TFB2M: variants seen among roughly 807,000 people sequenced by gnomAD.
TFB2M encodes the protein dimethyladenosine transferase 2, mitochondrial.
A neutral mutation model predicts 41.3 loss-of-function variants in TFB2M; 44 were observed. The ratio of observed to expected loss-of-function variants is 1.07; its 90% confidence interval spans 0.84 to 1.37. TFB2M has a LOEUF of 1.37. Among genes scored for constraint, TFB2M ranks in the 40% most tolerant of loss-of-function variants. The probability of loss-of-function intolerance (pLI) is 0.00; values close to 1 mark genes in which losing one functional copy is unlikely to be tolerated. For synonymous variants in TFB2M, 188 were observed against 176.8 expected (o/e 1.06, Z -0.50); for missense variants, 496 against 490.2 (o/e 1.01, Z -0.11).
At chr1:246,542,985 A>ATTT (rs11380318) in intron 7 of TFB2M, among the ~76,000 whole-genome samples, 1,312 of 84,936 alleles carry the variant, frequency 0.015, 79 homozygotes, top group Middle Eastern at 0.051. Context: ...CTGCCTCCCA[A>ATTT]TTTTTTTTTT....
In TFB2M at chr1:246,565,925, TA is replaced by T. The variant is rs765805852; in HGVS notation, c.213del (p.Phe71LeufsTer5). The T allele has an allele frequency of 1.2e-6, 2 of 1,614,154 alleles. No individual in the cohort carries two copies. The highest frequency in any genetic ancestry group is 8.5e-7 in the Non-Finnish European group (1 of 1,180,010). ...AATCTCCGATCGGTTACGTAACGCT[TA>T]AAGTCTAAGCTGGCCTTAGACGCCT... ...PRKASKASLD[F>X]KRYVTDRRLA... On this transcript the variant is annotated frameshift_variant, in exon 1 of 8. Transcript: ENST00000366514. LOFTEE classifies it high-confidence loss of function.
chr1:246,556,635 T>C lies in TFB2M; in HGVS notation c.643A>G (p.Thr215Ala), dbSNP rs770593847. 1 of 1,573,572 alleles carries C rather than the reference T, an allele frequency of 6.4e-7. No homozygotes were observed. The highest frequency in any genetic ancestry group is 1.2e-5 in the South Asian group (1 of 84,148). Residue 215 changes from threonine (T) to alanine (A), a missense_variant, in exon 4 of 8, where the codon ACT becomes GCT. Coordinates refer to ENST00000366514, the MANE Select transcript of TFB2M (RefSeq NM_022366.3). ...WKLAYDLYSC[T>A]SIYKFGRIEV... is the part of the protein sequence containing the mutation. ...ATTCGTCCAAATTTATATATAGAAG[T>C]ACAGGAATACAAGTCATATGCGAGT...
intron 6 of TFB2M, among the ~76,000 whole-genome samples, chr1:246,548,136 G>C (rs1376135834): frequency 6.6e-6 from 1 of 152,114 alleles, no homozygotes; most frequent in African/African-American, 2.4e-5. Context: ...TAATAGAGGC[G>C]GGGTTTCACC....
At position 246,540,951 on chromosome 1, in the gene TFB2M, G is replaced by T; in HGVS notation, c.*80C>A. 1 of 1,385,708 alleles carries T rather than the reference G, an allele frequency of 7.2e-7. No individual in the cohort carries two copies. The highest frequency in any genetic ancestry group is 9.9e-7 in the Non-Finnish European group (1 of 1,009,620). The allele number at this position is 1,385,708 out of a possible 1,614,324, so 85.8% of individuals were successfully genotyped here. A position where few individuals can be genotyped will look rare whatever the true frequency, so the allele number is the denominator to read the frequency against. On this transcript the variant is annotated 3_prime_UTR_variant, in exon 8 of 8. Transcript: ENST00000366514. The stretch of plus-strand genomic sequence containing the variant: ...AAGAACAGTTACCTTCTGCTGAAAG[G>T]ATGTGAGTTTTCAAATTTGGTTTTC...
At chr1:246,541,431 C>G (rs933638528) in intron 7 of TFB2M, among the ~76,000 whole-genome samples, 7 of 152,062 alleles carry the variant, frequency 4.6e-5, no homozygotes, top group African/African-American at 1.4e-4. Flanking sequence ...ACTATTTGGG[C>G]ATGGGTACAC....
intron 2 of TFB2M, among the ~76,000 whole-genome samples, chr1:246,560,518 T>A (rs1659430837): frequency 1.3e-5 from 2 of 152,160 alleles, no homozygotes; most frequent in African/African-American, 4.8e-5. Context: ...AGTGAGACCC[T>A]GTCTCAAAAA....
At chr1:246,565,366 CAG>C (rs1189946416) in intron 1 of TFB2M, among the ~76,000 whole-genome samples, 3 of 152,298 alleles carry the variant, frequency 2.0e-5, no homozygotes, top group Admixed American at 1.3e-4. Context: ...ATTAACGATA[CAG>C]ACTCTACGCT....
intron 5 of TFB2M, among the ~76,000 whole-genome samples, chr1:246,549,262 G>C (rs12759680): frequency 6.6e-6 from 1 of 151,756 alleles, no homozygotes; most frequent in Admixed American, 6.6e-5. Context: ...TCTTTTGTAA[G>C]AGAATTTTGT....
rs866622117 is a variant in TFB2M at position 246,544,981 on chromosome 1, A to G, written c.859-300T>C. Reference sequence around the variant, plus strand: ...CCACCACGCCTGGCTAATTTTTTGTATTTTTAGTAGAGATGGGGTTTCACC... The same window carrying G: ...CCACCACGCCTGGCTAATTTTTTGTGTTTTTAGTAGAGATGGGGTTTCACC... On this transcript the variant is annotated intron_variant, in intron 6 of 7. Transcript: ENST00000366514. Among the ~76,000 whole-genome samples the G allele has an allele frequency of 3.3e-5, 5 of 151,770 alleles. No individual in the cohort carries two copies. The South Asian group carries it at 8.3e-4, about 25-fold the overall frequency.
chr1:246,565,904 T>C lies in TFB2M; in HGVS notation c.235A>G (p.Arg79Gly). Residue 79 changes from arginine to glycine, a missense_variant, in exon 1 of 8, where the codon AGA (arginine) becomes GGA (glycine). By Grantham distance (125) the Arg-to-Gly change is moderately radical. Transcript: ENST00000366514. ...ATTTGCGCCAGGGTCTCAGCCAATC[T>C]CCGATCGGTTACGTAACGCTTAAAG... is the stretch of plus-strand genomic sequence containing the variant. ...LDFKRYVTDR[R>G]LAETLAQIYL... 1 of 1,613,662 alleles carries C rather than the reference T, an allele frequency of 6.2e-7. No homozygotes were observed. The highest frequency in any genetic ancestry group is 8.5e-7 in the Non-Finnish European group (1 of 1,179,608).
intron 1 of TFB2M, 151 bp from the exon 2 acceptor site, chr1:246,564,585 A>C: frequency 1.6e-6 from 1 of 633,424 alleles, no homozygotes; most frequent in Non-Finnish European, 2.7e-6. Context: ...TTTACATATA[A>C]GGAAACAGGA....
rs3129568 is a variant in TFB2M at position 246,544,556 on chromosome 1, A to G, written c.984T>C (p.Phe328=). ...NIFFHLLKHC[F]GRRSATVIDH... ...CTATTACAGTGGCGCTGCGCCTCCC[A>G]AAACAGTGCTTTAACAAGTGAAAAA... Residue 328 remains phenylalanine, a synonymous_variant, in exon 7 of 8, where the codon TTT becomes TTC. Transcript: ENST00000366514. 392,705 of 1,607,054 alleles carry G rather than the reference A, an allele frequency of 0.24. 51,642 individuals carry two copies. Among genetic ancestry groups the G allele is most frequent in the Middle Eastern group, 0.31 (1,867 of 6,014 alleles).
chr1:246,556,526 A>G (rs746805824), intron 4 of TFB2M, 47 bp downstream of exon 4: 1 of 1,366,250 alleles, frequency 7.3e-7, no homozygotes, highest in East Asian at 2.5e-5. Flanking sequence ...TACTCAGAGA[A>G]AAATTACAGA....
intron 6 of TFB2M, among the ~76,000 whole-genome samples, chr1:246,545,966 T>C (rs1659007531): frequency 6.6e-6 from 1 of 150,854 alleles, no homozygotes; most frequent in African/African-American, 2.4e-5. Context: ...GATCCAGGAG[T>C]CTTAGGCCAA....
At chr1:246,543,174 T>C (rs1658909403) in intron 7 of TFB2M, among the ~76,000 whole-genome samples, 1 of 151,770 alleles carries the variant, frequency 6.6e-6, no homozygotes, top group African/African-American at 2.4e-5. Flanking sequence ...ATTGCCACTT[T>C]TAACATTTAT....
At position 246,540,629 on chromosome 1, in the gene TFB2M, C is replaced by T. The variant is rs1445075633; in HGVS notation, c.*402G>A. The stretch of plus-strand genomic sequence containing the variant: ...TTAAAATTTAAACAATTTCATTGTA[C>T]AGTACTTGACAATACATTTCAACAA... On this transcript the variant is annotated 3_prime_UTR_variant, in exon 8 of 8. Coordinates refer to ENST00000366514, the MANE Select transcript of TFB2M (RefSeq NM_022366.3). 1.3e-5 allele frequency: 2 copies of T among 155,920 alleles called. No individual in the cohort carries two copies. Among genetic ancestry groups the T allele is most frequent in the South Asian group, 2.0e-4 (1 of 4,890 alleles). The allele number at this position is 155,920 out of a possible 1,614,324, so 9.7% of individuals were successfully genotyped here.
intron 4 of TFB2M, among the ~76,000 whole-genome samples, chr1:246,552,846 G>A (rs1019320217): frequency 6.6e-6 from 1 of 152,132 alleles, no homozygotes; most frequent in Non-Finnish European, 1.5e-5. Flanking sequence ...GGCCGAGGGA[G>A]GAGGATCACT....
At chr1:246,555,375 T>C (rs1659294082) in intron 4 of TFB2M, among the ~76,000 whole-genome samples, 1 of 152,034 alleles carries the variant, frequency 6.6e-6, no homozygotes, top group African/African-American at 2.4e-5. Flanking sequence ...ACTGCTTGAG[T>C]CCCAGAGTTG....
intron 6 of TFB2M, among the ~76,000 whole-genome samples, chr1:246,547,775 A>ACG (rs1659064049): frequency 6.6e-6 from 1 of 151,738 alleles, no homozygotes; most frequent in African/African-American, 2.4e-5. Flanking sequence ...ACTTTATTAG[A>ACG]ATTTCACAAC....
Sources: allele counts gnomAD v4.1 joint callset (sites outside exome capture counted in the v4.1 genomes callset), GRCh38; gene constraint gnomAD v4.1.1; transcripts MANE v1.5; gene names NCBI Gene and HGNC (gene_info 2026-07-23, HGNC 2026-07-21).